The following UNC5B variants were observed in gnomAD, a reference collection of about 807,000 sequenced individuals.
UNC5B encodes netrin receptor UNC5B.
In UNC5B, 56 loss-of-function variants were observed where a neutral mutation model predicts 103.7. The ratio of observed to expected loss-of-function variants is 0.54; its 90% CI spans 0.44 to 0.67. The LOEUF is 0.67. Ranked by LOEUF, UNC5B falls within the 30% of genes least tolerant of loss-of-function variation. The probability of loss-of-function intolerance (pLI) is 0.00; values close to 1 mark genes in which losing one functional copy is unlikely to be tolerated. For missense variants in UNC5B, 1,194 were observed against 1,284.5 expected (o/e 0.93, Z 1.08); for synonymous variants, 577 against 542.0 (o/e 1.06, Z -0.90).
intron 1 of UNC5B, among the ~76,000 whole-genome samples, chr10:71,244,396 CACCT>C (rs1463444615): frequency 4.6e-5 from 7 of 152,234 alleles, no homozygotes; most frequent in Non-Finnish European, 1.0e-4. Flanking sequence ...CCTAAGATGA[CACCT>C]AGCCCCTGGG....
intron 1 of UNC5B, among the ~76,000 whole-genome samples, chr10:71,224,939 C>A (rs12355039): frequency 2.0e-5 from 3 of 152,190 alleles, no homozygotes; most frequent in African/African-American, 7.2e-5. Context: ...CAAAGCCCAT[C>A]GCTGTAAAGC....
At position 71,298,077 on chromosome 10, in the gene UNC5B, C is replaced by T. The variant is rs753395884; in HGVS notation, c.2659C>T (p.Leu887Phe). The stretch of plus-strand genomic sequence containing the variant: ...TGACTGGCGGATGTTAGCACAGAAG[C>T]TCTCTATGGACCGGTGAGTATCCCA... ...GNDWRMLAQK[L>F]SMDRYLNYFA... Residue 887 changes from leucine to phenylalanine, a missense_variant, in exon 16 of 17, where the codon CTC becomes TTC. Coordinates refer to ENST00000335350, the MANE Select transcript of UNC5B (RefSeq NM_170744.5). The T allele has an allele frequency of 6.8e-6, 11 of 1,609,982 alleles. No individual in the cohort carries two copies. The East Asian group carries it at 1.1e-4, about 16-fold the overall frequency.
At position 71,286,731 on chromosome 10, in the gene UNC5B, G is replaced by T. The variant is rs760233593; in HGVS notation, c.595G>T (p.Asp199Tyr). ...TGAGGATGTCATCGACCCCACCCAG[G>T]ACACCAACTTCCTGCTCACCATCGA... ...KNEDVIDPTQ[D>Y]TNFLLTIDHN... is the part of the protein sequence containing the mutation. Residue 199 changes from aspartate to tyrosine, a missense_variant, in exon 5 of 17, where the codon GAC (aspartate) becomes TAC (tyrosine). Asp to Tyr is a radical substitution (Grantham distance 160). Coordinates refer to ENST00000335350, the MANE Select transcript of UNC5B (RefSeq NM_170744.5). The T allele has an allele frequency of 6.2e-7, 1 of 1,614,182 alleles. No individual in the cohort carries two copies. The highest frequency in any genetic ancestry group is 8.5e-7 in the Non-Finnish European group (1 of 1,180,034).
At chr10:71,294,996 C>T (rs1202208744) in intron 13 of UNC5B, among the ~76,000 whole-genome samples, 2 of 152,306 alleles carry the variant, frequency 1.3e-5, no homozygotes, top group South Asian at 2.1e-4. Context: ...CCCTCCTCAG[C>T]GCCTCATGGT....
intron 1 of UNC5B, among the ~76,000 whole-genome samples, chr10:71,237,841 C>G (rs772202277): frequency 6.6e-6 from 1 of 152,178 alleles, no homozygotes; most frequent in Non-Finnish European, 1.5e-5. Flanking sequence ...GGTAAAACCT[C>G]AGCCAGTCCA....
chr10:71,239,589 C>T lies in UNC5B; in HGVS notation c.79+26525C>T, dbSNP rs567729116. On this transcript the variant is annotated intron_variant, in intron 1 of 16. Coordinates refer to ENST00000335350, the MANE Select transcript of UNC5B (RefSeq NM_170744.5). The stretch of plus-strand genomic sequence containing the variant: ...GGTCCATGCCAGGCCCTGCCCAGCG[C>T]TGAGGTTAGCTTCTGGTGCTTAGCT... Among the ~76,000 whole-genome samples, 95 of 152,292 alleles carry T rather than the reference C, an allele frequency of 6.2e-4. 1 individual carries two copies. Among genetic ancestry groups the T allele is most frequent in the Admixed American group, 2.2e-3 (33 of 15,302 alleles).
chr10:71,235,304 G>A (rs1406331464), intron 1 of UNC5B, among the ~76,000 whole-genome samples: 2 of 152,192 alleles, frequency 1.3e-5, no homozygotes, highest in Non-Finnish European at 2.9e-5. Context: ...GCAGCCACCA[G>A]CCCTTCTGAA....
At position 71,288,996 on chromosome 10, in the gene UNC5B, T is replaced by C. The variant is rs544700554; in HGVS notation, c.1099+6T>C. ...AAGCGACCCCAACAGCCACCGTAAG[T>C]CCCATTTCATGGCTGTCCTCTTTCC... On this transcript the variant is annotated splice_donor_region_variant and intron_variant, in intron 8 of 16. Coordinates refer to ENST00000335350, the MANE Select transcript of UNC5B (RefSeq NM_170744.5). The C allele has an allele frequency of 6.2e-7, 1 of 1,614,222 alleles. No homozygotes were observed. The highest frequency in any genetic ancestry group is 1.3e-5 in the African/African-American group (1 of 75,060).
intron 13 of UNC5B, 48 bp downstream of exon 13, chr10:71,293,981 T>C (rs765892575): frequency 1.4e-4 from 202 of 1,494,408 alleles, no homozygotes; most frequent in Middle Eastern, 2.3e-4. Flanking sequence ...GCCAGCTGCA[T>C]GATCCCTGCC....
intron 1 of UNC5B, among the ~76,000 whole-genome samples, chr10:71,262,819 C>T (rs1448314689): frequency 6.6e-6 from 1 of 152,236 alleles, no homozygotes; most frequent in Non-Finnish European, 1.5e-5. Context: ...CCCTGTCAGA[C>T]TGTTGGCTGC....
intron 1 of UNC5B, among the ~76,000 whole-genome samples, chr10:71,277,022 G>T (rs971653959): frequency 6.6e-6 from 1 of 152,256 alleles, no homozygotes; most frequent in South Asian, 2.1e-4. Flanking sequence ...GAGGGGCGGG[G>T]TAGGAAGAGT....
chr10:71,283,391 A>G, intron 2 of UNC5B, among the ~76,000 whole-genome samples: 1 of 152,200 alleles, frequency 6.6e-6, no homozygotes, highest in African/African-American at 2.4e-5. Flanking sequence ...GTTTACTATG[A>G]TGAGGGATCT....
intron 1 of UNC5B, among the ~76,000 whole-genome samples, chr10:71,240,202 C>A (rs899201144): frequency 2.6e-5 from 4 of 152,256 alleles, no homozygotes; most frequent in African/African-American, 9.6e-5. Context: ...CATGGGCATG[C>A]TCACTCTTCT....
chr10:71,294,872 A>C (rs1464111160), intron 13 of UNC5B, among the ~76,000 whole-genome samples: 2 of 152,094 alleles, frequency 1.3e-5, no homozygotes, highest in Non-Finnish European at 2.9e-5. Context: ...GCCCTTGTGC[A>C]TTCCCCCAAG....
chr10:71,233,228 C>T (rs117934855), intron 1 of UNC5B, among the ~76,000 whole-genome samples: 1,796 of 152,266 alleles, frequency 0.012, 13 homozygotes, highest in Non-Finnish European at 0.02. Flanking sequence ...TAGGACCCCT[C>T]GGCTTTTCGT....
intron 8 of UNC5B, among the ~76,000 whole-genome samples, chr10:71,290,652 A>G (rs1252081907): frequency 6.6e-6 from 1 of 152,208 alleles, no homozygotes; most frequent in African/African-American, 2.4e-5. Flanking sequence ...CAATGAATTA[A>G]CACATGGCAT....
intron 5 of UNC5B, 67 bp downstream of exon 5, chr10:71,286,936 G>C (rs572670702): frequency 8.8e-4 from 1,384 of 1,574,014 alleles, no homozygotes; most frequent in Non-Finnish European, 1.1e-3. Context: ...CTGGGGGTAG[G>C]GGGGACCCCT....
chr10:71,295,763 A>G (rs749937393), intron 13 of UNC5B, 48 bp from the exon 14 acceptor site: 2 of 1,591,276 alleles, frequency 1.3e-6, no homozygotes, highest in African/African-American at 1.3e-5. Flanking sequence ...GAAGAGGCCC[A>G]TTGGCCAGGT....
At chr10:71,274,177 A>G (rs1261516029) in intron 1 of UNC5B, among the ~76,000 whole-genome samples, 2 of 152,170 alleles carry the variant, frequency 1.3e-5, no homozygotes, top group African/African-American at 4.8e-5. Context: ...CCTGGCCAAG[A>G]TAGTGAAACC....
Sources: allele counts gnomAD v4.1 joint callset (sites outside exome capture counted in the v4.1 genomes callset), GRCh38; gene constraint gnomAD v4.1.1; transcripts MANE v1.5; gene names NCBI Gene and HGNC (gene_info 2026-07-23, HGNC 2026-07-21).